Variants in HK1 observed in about 807,000 individuals in gnomAD.
The protein encoded by HK1 is hexokinase 1, also known as hexokinase-1.
Under a neutral mutation model 91.6 loss-of-function variants are expected in HK1, and 28 were observed. The ratio of observed to expected loss-of-function variants is 0.31; its 90% CI spans 0.23 to 0.42. The LOEUF (loss-of-function observed/expected upper bound fraction) is 0.42, where lower values mean the gene tolerates loss of function less well. Among genes scored for constraint, HK1 ranks in the 10% least tolerant of loss-of-function variants. HK1 has a pLI of 1.00. For missense variants in HK1, 770 were observed against 1,219.8 expected (o/e 0.63, Z 5.49); for synonymous variants, 430 against 468.1 (o/e 0.92, Z 1.05).
At chr10:69,386,722 T>C (rs1839653149) in intron 13 of HK1, 1 of 342,904 alleles carries the variant, frequency 2.9e-6, no homozygotes, top group Non-Finnish European at 5.7e-6. Flanking sequence ...GAGGTTGCAG[T>C]GAGCTGAGAT....
intron 1 of HK1, 106 bp downstream of exon 1, chr10:69,319,116 G>A: frequency 1.5e-6 from 2 of 1,344,172 alleles, no homozygotes; most frequent in Admixed American, 2.0e-5. Flanking sequence ...CCTTCTCCGG[G>A]CCAGCATCGA....
intron 2 of HK1, among the ~76,000 whole-genome samples, chr10:69,350,287 A>C (rs190982398): frequency 6.6e-6 from 1 of 152,342 alleles, no homozygotes; most frequent in East Asian, 1.9e-4. Flanking sequence ...TTCCAACCTC[A>C]TAGGTGAAAA....
At chr10:69,318,842 A>T, upstream of HK1, 1 of 1,468,058 alleles carries the variant, frequency 6.8e-7, no homozygotes, top group South Asian at 1.4e-5. Context: ...CCGGGGGAGG[A>T]GGAGGAGGAG....
intron 5 of HK1, among the ~76,000 whole-genome samples, chr10:69,306,677 T>C (rs1483133621): frequency 6.6e-6 from 1 of 152,254 alleles, no homozygotes; most frequent in Non-Finnish European, 1.5e-5. Flanking sequence ...GGATAACTTC[T>C]AGTCCAGTCC....
At chr10:69,300,398 G>T in intron 4 of HK1, 1 of 585,620 alleles carries the variant, frequency 1.7e-6, no homozygotes, top group Non-Finnish European at 3.0e-6. Context: ...TTTTTCATGA[G>T]GCATTTTATT....
chr10:69,333,879 G>A (rs1231481206), intron 1 of HK1, among the ~76,000 whole-genome samples: 1 of 152,134 alleles, frequency 6.6e-6, no homozygotes, highest in Admixed American at 6.5e-5. Flanking sequence ...TTGGGAGGCC[G>A]AGGTGGGCAG....
At chr10:69,363,323 G>A (rs1249932439) in intron 3 of HK1, among the ~76,000 whole-genome samples, 1 of 152,144 alleles carries the variant, frequency 6.6e-6, no homozygotes, top group East Asian at 1.9e-4. Context: ...AAAGAAGGGA[G>A]GTTCTTAGTT....
At chr10:69,377,186 C>T in intron 8 of HK1, 97 bp downstream of exon 8, 2 of 1,422,376 alleles carry the variant, frequency 1.4e-6, no homozygotes, top group South Asian at 1.2e-5. Flanking sequence ...GTGGCTTTTC[C>T]TTCAAGAGTG....
intron 5 of HK1, among the ~76,000 whole-genome samples, chr10:69,306,489 C>G (rs1846112610): frequency 6.6e-6 from 1 of 152,160 alleles, no homozygotes; most frequent in African/African-American, 2.4e-5. Flanking sequence ...GGGTTGCATT[C>G]TTTTGAGACT....
Position 69,382,767 on chromosome 10 carries a change from G to C in HK1, c.1546G>C (p.Val516Leu). Residue 516 changes from valine to leucine, a missense_variant, in exon 10 of 18, where the codon GTC (valine) becomes CTC (leucine). By Grantham distance (32) the Val-to-Leu change is conservative (BLOSUM62 1). Transcript: ENST00000359426. ...CGTGGTTAAGATGCTGCCCTCCTTCGTCCGGAGAACTCCCGACGGGACCGG... is the reference window on the plus strand; with the variant it reads ...CGTGGTTAAGATGCTGCCCTCCTTCCTCCGGAGAACTCCCGACGGGACCGG... The part of the protein sequence containing the change: ...NAVVKMLPSF[V>L]RRTPDGTENG... 1.2e-6 allele frequency: 2 copies of C among 1,612,522 alleles called. No individual in the cohort carries two copies. Among genetic ancestry groups the C allele is most frequent in the Non-Finnish European group, 1.7e-6 (2 of 1,179,678 alleles).
In HK1 at chr10:69,382,771, G is replaced by A. The variant is rs1202293213; in HGVS notation, c.1550G>A (p.Arg517Gln). The A allele has an allele frequency of 1.5e-5, 24 of 1,612,096 alleles. No homozygotes were observed. Among genetic ancestry groups the A allele is most frequent in the African/African-American group, 2.7e-5 (2 of 74,920 alleles). The change falls in exon 10 of 18, where the codon CGG (arginine) becomes CAG (glutamine). Residue 517 changes from arginine to glutamine, a missense_variant. Transcript: ENST00000359426. ...GTTAAGATGCTGCCCTCCTTCGTCC[G>A]GAGAACTCCCGACGGGACCGGTGAG... Reference protein sequence around the residue: ...AVVKMLPSFVRRTPDGTENGD... With the variant: ...AVVKMLPSFVQRTPDGTENGD...
chr10:69,374,048 C>T (rs191048905), intron 7 of HK1, among the ~76,000 whole-genome samples: 10 of 152,306 alleles, frequency 6.6e-5, no homozygotes, highest in Admixed American at 3.9e-4. Flanking sequence ...CAACAGCAAA[C>T]GCTGGTGGTT....
chr10:69,363,296 A>G (rs1849531515), intron 3 of HK1, among the ~76,000 whole-genome samples: 1 of 152,240 alleles, frequency 6.6e-6, no homozygotes, highest in South Asian at 2.1e-4. Flanking sequence ...AGGTTGGATT[A>G]CTAGAGGCAG....
chr10:69,400,979 C>T lies in HK1; in HGVS notation c.2610-12C>T, dbSNP rs143981530. On this transcript the variant is annotated splice_polypyrimidine_tract_variant and intron_variant, in intron 17 of 17. Coordinates refer to ENST00000359426, the MANE Select transcript of HK1 (RefSeq NM_000188.3). ...TTCCTCCAACTACCTTCTGTTTTCT[C>T]GTCCTTTTTAGCTTCTCCAGAATCA... is the stretch of plus-strand genomic sequence containing the variant. 603 of 1,614,210 alleles carry T rather than the reference C, an allele frequency of 3.7e-4. No individual in the cohort carries two copies. Among genetic ancestry groups the T allele is most frequent in the Non-Finnish European group, 4.7e-4 (556 of 1,180,046 alleles).
intron 2 of HK1, among the ~76,000 whole-genome samples, chr10:69,355,936 G>T (rs1294376686): frequency 6.6e-6 from 1 of 152,154 alleles, no homozygotes; most frequent in Non-Finnish European, 1.5e-5. Flanking sequence ...ACATGCAAAA[G>T]AATGAAGTTT....
intron 1 of HK1, among the ~76,000 whole-genome samples, chr10:69,273,486 G>A (rs949310343): frequency 1.3e-5 from 2 of 152,200 alleles, no homozygotes; most frequent in African/African-American, 2.4e-5. Context: ...AAAGTGCTAG[G>A]ATTACAGGCA....
At chr10:69,349,372 A>G (rs1848726129) in intron 2 of HK1, among the ~76,000 whole-genome samples, 1 of 152,090 alleles carries the variant, frequency 6.6e-6, no homozygotes, top group Non-Finnish European at 1.5e-5. Flanking sequence ...TGGAAACTGC[A>G]AACCACCGTG....
intron 3 of HK1, among the ~76,000 whole-genome samples, chr10:69,295,022 A>G (rs1442559043): frequency 1.4e-5 from 2 of 146,408 alleles, no homozygotes; most frequent in Non-Finnish European, 1.5e-5. Flanking sequence ...AGAGAGAGAG[A>G]GAGAGAGAGA....
At chr10:69,286,278 G>A (rs753114499) in intron 2 of HK1, among the ~76,000 whole-genome samples, 5 of 152,076 alleles carry the variant, frequency 3.3e-5, no homozygotes, top group Non-Finnish European at 5.9e-5. Context: ...GAGGAGAATC[G>A]CTTGAGCCCA....
Sources: allele counts gnomAD v4.1 joint callset (sites outside exome capture counted in the v4.1 genomes callset), GRCh38; gene constraint gnomAD v4.1.1; transcripts MANE v1.5; gene names NCBI Gene and HGNC (gene_info 2026-07-23, HGNC 2026-07-21).